The following DMD variants were observed in gnomAD, a reference collection of about 807,000 sequenced individuals.
The protein encoded by DMD is mutant dystrophin.
Under a neutral mutation model 330.1 loss-of-function variants are expected in DMD, and 63 were observed. The ratio of observed to expected loss-of-function variants is 0.19; its 90% CI spans 0.16 to 0.24. The LOEUF is 0.24. Ranked by LOEUF, DMD falls within the 10% of genes least tolerant of loss-of-function variation. The pLI is 1.00. For missense variants in DMD, 3,344 were observed against 2,684.1 expected (o/e 1.25, Z -5.43); for synonymous variants, 1,223 against 959.8 (o/e 1.27, Z -5.07).
intron 2 of DMD, among the ~76,000 whole-genome samples, chrX:32,883,859 A>G (rs1296007165): frequency 9.8e-6 from 1 of 101,942 alleles, no homozygotes; most frequent in African/African-American, 3.6e-5. Flanking sequence ...AAAGAAAATG[A>G]CTTCCATTTT....
At chrX:33,195,732 T>TTGTGTGTGTG (rs71969580) in intron 1 of DMD, among the ~76,000 whole-genome samples, 6,541 of 97,560 alleles carry the variant, frequency 0.067, 245 homozygotes, top group Non-Finnish European at 0.093. Flanking sequence ...CTGTTCTATT[T>TTGTGTGTGTG]TGTGTGTGTG....
intron 62 of DMD, among the ~76,000 whole-genome samples, chrX:31,265,679 T>C (rs2050969141): frequency 9.3e-6 from 1 of 107,438 alleles, no homozygotes; most frequent in Non-Finnish European, 1.9e-5. Flanking sequence ...TGTTGCTTCA[T>C]TTGCTCCACT....
chrX:31,931,977 ATG>A, intron 46 of DMD, 101 bp downstream of exon 46: 3 of 977,291 alleles, frequency 3.1e-6, no homozygotes, highest in Non-Finnish European at 4.3e-6. Flanking sequence ...GCAAGGAACT[ATG>A]AATAACCTAA....
intron 17 of DMD, among the ~76,000 whole-genome samples, chrX:32,520,610 G>A (rs985954552): frequency 1.8e-5 from 2 of 111,244 alleles, no homozygotes; most frequent in Non-Finnish European, 3.8e-5. Context: ...GTGTCTCAAG[G>A]GGTTCCCTGC....
At chrX:31,191,144 G>C (rs2042305121) in intron 67 of DMD, among the ~76,000 whole-genome samples, 1 of 111,643 alleles carries the variant, frequency 9.0e-6, no homozygotes, top group Admixed American at 9.5e-5. Context: ...AATCATGGCA[G>C]ATAATTATCC....
intron 44 of DMD, among the ~76,000 whole-genome samples, chrX:32,027,259 C>A (rs947000536): frequency 1.9e-5 from 2 of 106,921 alleles, no homozygotes; most frequent in African/African-American, 6.9e-5. Context: ...ATTTTTCATA[C>A]CTTTCATCCT....
chrX:32,683,293 G>A (rs1316261417), intron 9 of DMD, among the ~76,000 whole-genome samples: 1 of 110,558 alleles, frequency 9.0e-6, no homozygotes, highest in Admixed American at 9.7e-5. Flanking sequence ...ACATTACTGG[G>A]TATATACCCA....
chrX:33,046,312 C>T (rs1173055154), intron 1 of DMD, among the ~76,000 whole-genome samples: 1 of 111,258 alleles, frequency 9.0e-6, no homozygotes, highest in African/African-American at 3.3e-5. Context: ...TAATAAAATA[C>T]CATTTTTAGC....
chrX:32,095,524 T>A (rs908861887), intron 44 of DMD, among the ~76,000 whole-genome samples: 2 of 111,965 alleles, frequency 1.8e-5, no homozygotes, highest in East Asian at 5.7e-4. Context: ...ATAATGCCTT[T>A]GTCTAAATGT....
At chrX:31,918,214 T>C (rs1417398307) in intron 47 of DMD, among the ~76,000 whole-genome samples, 3 of 112,523 alleles carry the variant, frequency 2.7e-5, no homozygotes, top group Non-Finnish European at 3.7e-5. Flanking sequence ...ATAGTATATA[T>C]TGTGTTTTTA....
At chrX:32,845,995 G>A (rs775253061) in intron 3 of DMD, among the ~76,000 whole-genome samples, 1 of 110,397 alleles carries the variant, frequency 9.1e-6, no homozygotes, top group African/African-American at 3.4e-5. Flanking sequence ...TCCAGACCTT[G>A]TCCAGGGCAC....
chrX:31,779,764 G>A (rs915949909), intron 50 of DMD, among the ~76,000 whole-genome samples: 1 of 110,421 alleles, frequency 9.1e-6, no homozygotes, highest in African/African-American at 3.3e-5. Context: ...GAGGGCATCT[G>A]AATAGTCTGA....
At chrX:32,654,611 CT>C (rs144796914) in intron 9 of DMD, among the ~76,000 whole-genome samples, 6 of 109,866 alleles carry the variant, frequency 5.5e-5, no homozygotes, top group Non-Finnish European at 1.1e-4. Flanking sequence ...CTAAAATTCT[CT>C]TTTTTTTGTT....
intron 4 of DMD, among the ~76,000 whole-genome samples, chrX:32,829,582 C>A (rs1385279285): frequency 1.8e-5 from 2 of 111,435 alleles, no homozygotes; most frequent in Non-Finnish European, 3.8e-5. Flanking sequence ...TATTCTTATT[C>A]AATTTTCTAC....
chrX:31,742,429 A>G (rs1297001706), intron 51 of DMD, among the ~76,000 whole-genome samples: 1 of 111,912 alleles, frequency 8.9e-6, no homozygotes, highest in African/African-American at 3.2e-5. Context: ...CTTAGAGGAC[A>G]TTGTAGGGTT....
intron 2 of DMD, among the ~76,000 whole-genome samples, chrX:32,915,980 G>C (rs1242559574): frequency 9.0e-6 from 1 of 110,934 alleles, no homozygotes; most frequent in African/African-American, 3.3e-5. Context: ...GAAAATGATT[G>C]ATGAACTGTA....
At chrX:32,664,623 G>A (rs1212034970) in intron 9 of DMD, among the ~76,000 whole-genome samples, 2 of 112,049 alleles carry the variant, frequency 1.8e-5, no homozygotes, top group African/African-American at 6.5e-5. Context: ...TTCATTTGGG[G>A]CAACTGGAAG....
chrX:32,365,866 A>C (rs1328825223), intron 34 of DMD, among the ~76,000 whole-genome samples: 1 of 112,043 alleles, frequency 8.9e-6, no homozygotes. Flanking sequence ...TTAAGTATGT[A>C]CAATGTCTGG....
At chrX:31,990,978 G>T (rs140672571) in intron 44 of DMD, among the ~76,000 whole-genome samples, 2 of 112,058 alleles carry the variant, frequency 1.8e-5, no homozygotes, top group African/African-American at 6.5e-5. Context: ...TTCAGAGAGA[G>T]ATCTTCAAAG....
Sources: allele counts gnomAD v4.1 joint callset (sites outside exome capture counted in the v4.1 genomes callset), GRCh38; gene constraint gnomAD v4.1.1; transcripts MANE v1.5; gene names NCBI Gene and HGNC (gene_info 2026-07-23, HGNC 2026-07-21).